PDE8A: variants seen among roughly 807,000 people sequenced by gnomAD.
The protein encoded by PDE8A is high affinity cAMP-specific and IBMX-insensitive 3',5'-cyclic phosphodiesterase 8A.
Under a neutral mutation model 105.0 loss-of-function variants are expected in PDE8A, and 59 were observed. The observed-to-expected ratio is 0.56, with a 90% confidence interval of 0.46 to 0.70. The LOEUF (loss-of-function observed/expected upper bound fraction) is 0.70, where lower values mean the gene tolerates loss of function less well. Ranked by LOEUF, PDE8A falls within the 30% of genes least tolerant of loss-of-function variation. The probability of loss-of-function intolerance (pLI) is 0.00; values close to 1 mark genes in which losing one functional copy is unlikely to be tolerated. For synonymous variants in PDE8A, 355 were observed against 371.9 expected (o/e 0.95, Z 0.52); for missense variants, 1,014 against 1,045.9 (o/e 0.97, Z 0.42).
chr15:85,075,538 A>C (rs975665207), intron 3 of PDE8A, among the ~76,000 whole-genome samples: 1 of 152,236 alleles, frequency 6.6e-6, no homozygotes, highest in Admixed American at 6.5e-5. Context: ...GGCTTCTTTC[A>C]TGTAAGCACA....
At chr15:85,024,984 A>G (rs1363452154) in intron 1 of PDE8A, among the ~76,000 whole-genome samples, 1 of 152,234 alleles carries the variant, frequency 6.6e-6, no homozygotes, top group East Asian at 1.9e-4. Context: ...TATCCAGATT[A>G]AAAACAAACA....
At chr15:85,066,583 A>AACACACACACACACAC (rs57124766) in intron 2 of PDE8A, among the ~76,000 whole-genome samples, 4 of 117,010 alleles carry the variant, frequency 3.4e-5, no homozygotes, top group East Asian at 2.6e-4. Flanking sequence ...ATCCCCCCAA[A>AACACACACACACACAC]ACACACACAC....
intron 3 of PDE8A, among the ~76,000 whole-genome samples, chr15:85,069,742 G>T (rs987223505): frequency 6.6e-6 from 1 of 152,140 alleles, no homozygotes; most frequent in Non-Finnish European, 1.5e-5. Flanking sequence ...CTTTACAAAT[G>T]TAATCCCCGA....
intron 1 of PDE8A, among the ~76,000 whole-genome samples, chr15:85,037,952 G>T (rs1485422745): frequency 6.6e-6 from 1 of 152,194 alleles, no homozygotes; most frequent in African/African-American, 2.4e-5. Flanking sequence ...AATTGTAGAT[G>T]CAAACACTTC....
rs193005348 is a variant in PDE8A at position 85,120,152 on chromosome 15, A to G, written c.1735-645A>G. 146 of 151,250 alleles carry G rather than the reference A, an allele frequency of 9.7e-4. 1 individual carries two copies. Among genetic ancestry groups the G allele is most frequent in the African/African-American group, 3.4e-3 (141 of 41,006 alleles). The allele number at this position is 151,250 out of a possible 1,614,324, so 9.4% of individuals were successfully genotyped here. ...AGAAGTAAAAAAACAAAAAAAAAAA[A>G]CAAAAGAGGCCAATAACATGGAAGT... On this transcript the variant is annotated intron_variant, in intron 17 of 21. Transcript: ENST00000394553.
At position 84,982,071 on chromosome 15, in the gene PDE8A, A is replaced by G. The variant is rs977492318; in HGVS notation, c.-92A>G. On this transcript the variant is annotated 5_prime_UTR_variant, in exon 1 of 22. Transcript: ENST00000394553. Reference sequence around the variant, plus strand: ...CGCCGCCCGCCCAGGCGGCGATGACACGGCGCCCGCGGCGGCCCGGAGGCG... The same window carrying G: ...CGCCGCCCGCCCAGGCGGCGATGACGCGGCGCCCGCGGCGGCCCGGAGGCG... The G allele has an allele frequency of 2.8e-5, 22 of 787,632 alleles. No individual in the cohort carries two copies. The African/African-American group carries it at 4.0e-4, about 14-fold the overall frequency. 48.8% of individuals were successfully genotyped at this position (787,632 alleles called of 1,614,324 possible). A position where few individuals can be genotyped will look rare whatever the true frequency, so the allele number is the denominator to read the frequency against.
chr15:84,988,123 G>C (rs1012558351), intron 1 of PDE8A, among the ~76,000 whole-genome samples: 2 of 152,208 alleles, frequency 1.3e-5, no homozygotes, highest in African/African-American at 4.8e-5. Flanking sequence ...AACCCTGTGA[G>C]GTGGCAGGTA....
intron 1 of PDE8A, among the ~76,000 whole-genome samples, chr15:84,993,210 A>C (rs181782807): frequency 6.6e-6 from 1 of 151,612 alleles, no homozygotes; most frequent in Non-Finnish European, 1.5e-5. Context: ...TTGGGAGGCC[A>C]AGGCGGGCGG....
At chr15:85,093,425 A>G (rs2081683034) in intron 8 of PDE8A, among the ~76,000 whole-genome samples, 1 of 152,136 alleles carries the variant, frequency 6.6e-6, no homozygotes, top group Non-Finnish European at 1.5e-5. Context: ...GGCCTTATGG[A>G]ACAGTGGCAC....
At chr15:85,052,820 T>G (rs1361145115) in intron 1 of PDE8A, among the ~76,000 whole-genome samples, 3 of 152,168 alleles carry the variant, frequency 2.0e-5, no homozygotes, top group Non-Finnish European at 4.4e-5. Context: ...AGAAGCTCTT[T>G]AGTTTAATTA....
chr15:85,002,024 G>C (rs1874800117), intron 1 of PDE8A, among the ~76,000 whole-genome samples: 1 of 151,782 alleles, frequency 6.6e-6, no homozygotes, highest in South Asian at 2.1e-4. Context: ...TGCTGGTCTT[G>C]AATTCCTGGC....
chr15:85,044,837 T>C lies in PDE8A; in HGVS notation c.187-19533T>C, dbSNP rs142632722. 2.6e-5 allele frequency among the ~76,000 whole-genome samples: 4 copies of C among 152,374 alleles called. No homozygotes were observed. The East Asian group carries it at 7.7e-4, about 29-fold the overall frequency. ...AGAAAGAAGAATCAGATTATGTCAC[T>C]TCTTTGTATAAAACCTTTAAGCGGC... On this transcript the variant is annotated intron_variant, in intron 1 of 21. Coordinates refer to ENST00000394553, the MANE Select transcript of PDE8A (RefSeq NM_002605.3).
intron 6 of PDE8A, among the ~76,000 whole-genome samples, chr15:85,087,891 ATTT>A (rs991916082): frequency 6.6e-6 from 1 of 152,090 alleles, no homozygotes; most frequent in South Asian, 2.1e-4. Context: ...AAATAATTAG[ATTT>A]TTTTCTATAA....
intron 1 of PDE8A, among the ~76,000 whole-genome samples, chr15:85,001,822 A>G (rs1230349027): frequency 6.6e-6 from 1 of 152,216 alleles, no homozygotes; most frequent in African/African-American, 2.4e-5. Flanking sequence ...GCCTGGAAAT[A>G]ACTAAGACTG....
intron 2 of PDE8A, among the ~76,000 whole-genome samples, chr15:85,065,497 AG>A (rs1368698702): frequency 6.6e-6 from 1 of 151,072 alleles, no homozygotes; most frequent in African/African-American, 2.4e-5. Flanking sequence ...AAAAAAAAAA[AG>A]AAAACAACCA....
intron 8 of PDE8A, among the ~76,000 whole-genome samples, chr15:85,097,116 A>G (rs543942490): frequency 3.3e-5 from 5 of 150,510 alleles, no homozygotes; most frequent in African/African-American, 9.9e-5. Flanking sequence ...GGAATACCCT[A>G]GGGGTTCAGT....
intron 18 of PDE8A, among the ~76,000 whole-genome samples, 172 bp downstream of exon 18, chr15:85,121,186 A>C (rs2082176335): frequency 6.6e-6 from 1 of 152,106 alleles, no homozygotes; most frequent in South Asian, 2.1e-4. Context: ...AGGCTGAGAC[A>C]GGAGAAATCA....
chr15:85,082,901 C>T (rs552216275), intron 5 of PDE8A, among the ~76,000 whole-genome samples: 15 of 152,270 alleles, frequency 9.9e-5, no homozygotes, highest in South Asian at 2.1e-4. Flanking sequence ...TTCACTTTGT[C>T]GTGAGATATT....
At chr15:85,015,244 C>CA (rs2080305563) in intron 1 of PDE8A, among the ~76,000 whole-genome samples, 1 of 149,638 alleles carries the variant, frequency 6.7e-6, no homozygotes, top group African/African-American at 2.5e-5. Context: ...GTGCATAAGT[C>CA]TTTTTTTTTT....
Sources: gnomAD v4.1 joint callset for allele counts (sites outside exome capture counted in the v4.1 genomes callset) on GRCh38, gnomAD v4.1.1 for gene constraint, MANE v1.5 for transcripts, NCBI Gene and HGNC (gene_info 2026-07-23, HGNC 2026-07-21) for gene names.